Variants in ITGBL1 observed in about 807,000 individuals in gnomAD.
The protein encoded by ITGBL1 is integrin subunit beta like 1.
A neutral mutation model predicts 68.5 loss-of-function variants in ITGBL1; 51 were observed. The observed-to-expected ratio is 0.74, with a 90% CI of 0.59 to 0.94. The LOEUF is 0.94. Ranked by LOEUF, ITGBL1 falls within the 40% of genes least tolerant of loss-of-function variation. The pLI is 0.00. For missense variants in ITGBL1, 649 were observed against 647.4 expected (o/e 1.00, Z -0.03); for synonymous variants, 209 against 227.3 (o/e 0.92, Z 0.72).
At position 101,452,809 on chromosome 13, in the gene ITGBL1, G is replaced by A. The variant is rs373018439; in HGVS notation, c.-25G>A. ...ACCCCACCTTGCAGAAGTGCAGCTCGCCCGGAGCAGCCCAGGAGCTCAGCA... is the reference window on the plus strand; with the variant it reads ...ACCCCACCTTGCAGAAGTGCAGCTCACCCGGAGCAGCCCAGGAGCTCAGCA... On this transcript the variant is annotated 5_prime_UTR_variant, in exon 1 of 11. Transcript: ENST00000376180. The A allele has an allele frequency of 6.2e-7, 1 of 1,601,070 alleles. No individual in the cohort carries two copies.
chr13:101,635,593 T>C (rs567472387), intron 7 of ITGBL1, among the ~76,000 whole-genome samples: 266 of 152,202 alleles, frequency 1.7e-3, no homozygotes, highest in African/African-American at 6.2e-3. Context: ...TGAGTGCTAT[T>C]GTTCAAATAC....
At chr13:101,521,349 G>GT (rs1703682446) in intron 2 of ITGBL1, among the ~76,000 whole-genome samples, 1 of 152,160 alleles carries the variant, frequency 6.6e-6, no homozygotes, top group Non-Finnish European at 1.5e-5. Context: ...GAGAAAATAA[G>GT]TAAAAAATAA....
chr13:101,690,371 A>G (rs1594983066), intron 7 of ITGBL1, among the ~76,000 whole-genome samples: 1 of 152,298 alleles, frequency 6.6e-6, no homozygotes, highest in Admixed American at 6.5e-5. Flanking sequence ...TTAAAATGTG[A>G]ATTACTTAAA....
chr13:101,533,309 A>C (rs1311110906), intron 2 of ITGBL1, among the ~76,000 whole-genome samples: 1 of 152,198 alleles, frequency 6.6e-6, no homozygotes, highest in Non-Finnish European at 1.5e-5. Context: ...TGCAGTAACA[A>C]CATTATCAAG....
chr13:101,541,650 A>T (rs913696461), intron 2 of ITGBL1, among the ~76,000 whole-genome samples: 17 of 152,168 alleles, frequency 1.1e-4, no homozygotes, highest in South Asian at 6.2e-4. Context: ...TCCTTGTACC[A>T]CTGGTAGAAT....
At chr13:101,467,206 A>G (rs936302053) in intron 2 of ITGBL1, among the ~76,000 whole-genome samples, 14 of 152,178 alleles carry the variant, frequency 9.2e-5, no homozygotes, top group Non-Finnish European at 1.2e-4. Flanking sequence ...ATATGGGTCA[A>G]TATTTATATC....
chr13:101,534,815 A>G (rs904055082), intron 2 of ITGBL1, among the ~76,000 whole-genome samples: 3 of 152,178 alleles, frequency 2.0e-5, no homozygotes, highest in Non-Finnish European at 2.9e-5. Flanking sequence ...TTTTCATTCC[A>G]TAAATCTGCA....
intron 2 of ITGBL1, among the ~76,000 whole-genome samples, chr13:101,514,090 T>C (rs1258799423): frequency 6.6e-6 from 1 of 152,086 alleles, no homozygotes; most frequent in African/African-American, 2.4e-5. Context: ...TGTGTTTCCA[T>C]TTGATGACCT....
intron 2 of ITGBL1, among the ~76,000 whole-genome samples, chr13:101,510,481 T>C (rs1345400993): frequency 2.6e-5 from 4 of 151,890 alleles, no homozygotes; most frequent in Non-Finnish European, 5.9e-5. Context: ...CTGAATGCAA[T>C]ATAATGATCT....
intron 7 of ITGBL1, among the ~76,000 whole-genome samples, chr13:101,691,434 C>A (rs1485932944): frequency 1.3e-5 from 2 of 152,112 alleles, no homozygotes; most frequent in African/African-American, 4.8e-5. Flanking sequence ...CCCCATCATC[C>A]ACCAACTCAG....
intron 2 of ITGBL1, among the ~76,000 whole-genome samples, chr13:101,509,999 T>G (rs1344522603): frequency 6.6e-6 from 1 of 152,088 alleles, no homozygotes; most frequent in African/African-American, 2.4e-5. Flanking sequence ...CAATTTCTCT[T>G]TTTTTTCTTT....
chr13:101,520,144 A>G (rs1198766709), intron 2 of ITGBL1, among the ~76,000 whole-genome samples: 2 of 152,144 alleles, frequency 1.3e-5, no homozygotes, highest in East Asian at 3.8e-4. Flanking sequence ...CTTCTTTTCC[A>G]TCTACTTCTC....
At chr13:101,619,875 T>C (rs2031515296) in intron 7 of ITGBL1, among the ~76,000 whole-genome samples, 1 of 152,158 alleles carries the variant, frequency 6.6e-6, no homozygotes, top group Admixed American at 6.5e-5. Context: ...TCTTCTTGGC[T>C]TTTTTCTTGC....
At chr13:101,456,161 T>C (rs900832908) in intron 2 of ITGBL1, among the ~76,000 whole-genome samples, 1 of 152,268 alleles carries the variant, frequency 6.6e-6, no homozygotes. Context: ...TGTTTGGTTA[T>C]GCATGCATTT....
chr13:101,584,252 G>A (rs2139292185), intron 6 of ITGBL1, among the ~76,000 whole-genome samples: 1 of 152,236 alleles, frequency 6.6e-6, no homozygotes, highest in South Asian at 2.1e-4. Flanking sequence ...CATGGAGTTT[G>A]CAATCTAAAT....
intron 2 of ITGBL1, among the ~76,000 whole-genome samples, chr13:101,511,223 G>A (rs1001547665): frequency 1.3e-5 from 2 of 152,080 alleles, no homozygotes; most frequent in Non-Finnish European, 2.9e-5. Context: ...AACTTCAGGA[G>A]TAGAAAGAGA....
At chr13:101,489,873 A>G (rs1382755866) in intron 2 of ITGBL1, 1 of 812,358 alleles carries the variant, frequency 1.2e-6, no homozygotes, top group Non-Finnish European at 2.0e-6. Flanking sequence ...AAAAATAGAA[A>G]CCAGTGAGAG....
At chr13:101,563,726 A>C (rs1435193561) in intron 2 of ITGBL1, among the ~76,000 whole-genome samples, 2 of 151,934 alleles carry the variant, frequency 1.3e-5, no homozygotes, top group Non-Finnish European at 1.5e-5. Flanking sequence ...CTTAAGGATA[A>C]AATAATGCTG....
At chr13:101,709,352 A>G (rs541813420) in intron 9 of ITGBL1, among the ~76,000 whole-genome samples, 7 of 119,692 alleles carry the variant, frequency 5.8e-5, no homozygotes, top group Non-Finnish European at 9.8e-5. Context: ...GGCCTGGGTG[A>G]CAGAGCGAGA....
Sources: allele counts gnomAD v4.1 joint callset (sites outside exome capture counted in the v4.1 genomes callset), GRCh38; gene constraint gnomAD v4.1.1; transcripts MANE v1.5; gene names NCBI Gene and HGNC (gene_info 2026-07-23, HGNC 2026-07-21).